ROBO2: variants seen among roughly 807,000 people sequenced by gnomAD.
ROBO2 encodes roundabout guidance receptor 2.
ROBO2 carries 53 observed loss-of-function variants against 160.8 expected under a neutral mutation model. That is an observed-to-expected ratio of 0.33 (90% confidence interval 0.26 to 0.41). The LOEUF is 0.41. Ranked by LOEUF, ROBO2 falls within the 10% of genes least tolerant of loss-of-function variation. The pLI is 1.00. For synonymous variants in ROBO2, 664 were observed against 611.7 expected, an observed-to-expected ratio of 1.09 and a Z score of -1.26; for missense variants, 1,577 against 1,722.4, an observed-to-expected ratio of 0.92 and a Z score of 1.49.
chr3:76,293,602 A>C (rs1708917296), intron 2 of ROBO2, among the ~76,000 whole-genome samples: 2 of 152,214 alleles, frequency 1.3e-5, no homozygotes, highest in Non-Finnish European at 2.9e-5. Flanking sequence ...AGACTGATTG[A>C]TTATGTGGAA....
intron 2 of ROBO2, among the ~76,000 whole-genome samples, chr3:75,963,855 C>A (rs189393294): frequency 6.6e-6 from 1 of 151,882 alleles, no homozygotes; most frequent in African/African-American, 2.4e-5. Context: ...ATACACGTAG[C>A]TGATTTTTAC....
At chr3:76,762,354 C>T (rs1560517167) in intron 2 of ROBO2, among the ~76,000 whole-genome samples, 1 of 150,800 alleles carries the variant, frequency 6.6e-6, no homozygotes, top group Non-Finnish European at 1.5e-5. Context: ...ATAGAATGTA[C>T]CTTTGTATAA....
chr3:77,075,672 CTTTTTTTT>C (rs1174587812), intron 1 of ROBO2, among the ~76,000 whole-genome samples: 1 of 87,254 alleles, frequency 1.1e-5, no homozygotes, highest in Non-Finnish European at 2.0e-5. Flanking sequence ...TTTCTTTCTC[CTTTTTTTT>C]TTTTTTTTTT....
intron 2 of ROBO2, among the ~76,000 whole-genome samples, chr3:77,167,243 T>C (rs1485337434): frequency 6.6e-6 from 1 of 152,180 alleles, no homozygotes; most frequent in African/African-American, 2.4e-5. Context: ...ATTACTACCA[T>C]GGAATGGAAA....
intron 2 of ROBO2, among the ~76,000 whole-genome samples, chr3:76,337,222 C>A (rs2073949933): frequency 6.6e-6 from 1 of 152,020 alleles, no homozygotes; most frequent in Admixed American, 6.6e-5. Context: ...TGGCCCACTG[C>A]AAATTATCAG....
At chr3:76,526,302 G>A (rs769587720) in intron 2 of ROBO2, among the ~76,000 whole-genome samples, 2 of 151,930 alleles carry the variant, frequency 1.3e-5, no homozygotes, top group Non-Finnish European at 2.9e-5. Flanking sequence ...AGTAGGTTTT[G>A]TTTTCTTTTG....
At chr3:77,306,678 T>C (rs1463110896) in intron 2 of ROBO2, among the ~76,000 whole-genome samples, 2 of 152,192 alleles carry the variant, frequency 1.3e-5, no homozygotes, top group African/African-American at 4.8e-5. Context: ...CATAAGTTTC[T>C]AAAACTTATG....
intron 24 of ROBO2, among the ~76,000 whole-genome samples, 153 bp downstream of exon 26, chr3:77,643,096 A>C (rs1199647832): frequency 1.3e-5 from 2 of 152,220 alleles, no homozygotes; most frequent in Non-Finnish European, 2.9e-5. Context: ...TTACCAGTAC[A>C]TGCCTTAAGG....
chr3:77,411,643 A>G (rs1037668827), intron 2 of ROBO2, among the ~76,000 whole-genome samples: 11 of 152,202 alleles, frequency 7.2e-5, no homozygotes, highest in Non-Finnish European at 1.3e-4. Flanking sequence ...TCCATTTTAA[A>G]TAATTTGTGT....
chr3:76,812,909 A>T (rs932315887), intron 2 of ROBO2, among the ~76,000 whole-genome samples: 20 of 104,656 alleles, frequency 1.9e-4, no homozygotes, highest in South Asian at 3.6e-4. Context: ...AGAAGTATAA[A>T]TTTTTTTTTT....
At chr3:77,132,710 T>TG (rs974033104) in intron 2 of ROBO2, among the ~76,000 whole-genome samples, 4 of 151,896 alleles carry the variant, frequency 2.6e-5, no homozygotes, top group Non-Finnish European at 5.9e-5. Flanking sequence ...TTTTTTTTTT[T>TG]AAGTACAAGA....
intron 2 of ROBO2, among the ~76,000 whole-genome samples, chr3:76,307,537 A>T (rs937926239): frequency 2.0e-5 from 3 of 146,576 alleles, no homozygotes; most frequent in Non-Finnish European, 4.5e-5. Context: ...GGACCTTCCC[A>T]TTTATAGACC....
At chr3:76,273,820 T>C (rs926586327) in intron 2 of ROBO2, among the ~76,000 whole-genome samples, 2 of 152,194 alleles carry the variant, frequency 1.3e-5, no homozygotes, top group Non-Finnish European at 2.9e-5. Context: ...AAGGTAGTAT[T>C]TGGGTGGGGA....
rs563013621 is a variant in ROBO2 at position 76,199,545 on chromosome 3, T to C, written c.109+261943T>C. On this transcript the variant is annotated intron_variant, in intron 2 of 26. Coordinates refer to the ROBO2 transcript ENST00000487694. ...CCGTATTGTTCAAGCTGTTGAATTGTTGGTAACTTCGTGAGAGGATGAATG... is the reference window on the plus strand; with the variant it reads ...CCGTATTGTTCAAGCTGTTGAATTGCTGGTAACTTCGTGAGAGGATGAATG... Among the ~76,000 whole-genome samples the C allele has an allele frequency of 8.5e-5, 13 of 152,204 alleles. No homozygotes were observed. In the South Asian group the frequency reaches 2.5e-3, roughly 29 times the overall value.
chr3:76,030,487 T>C (rs1463357520), intron 2 of ROBO2, among the ~76,000 whole-genome samples: 1 of 152,232 alleles, frequency 6.6e-6, no homozygotes, highest in Non-Finnish European at 1.5e-5. Context: ...TTCTATGGTT[T>C]TTATGGTTTT....
At chr3:76,477,442 G>T (rs540439574) in intron 2 of ROBO2, among the ~76,000 whole-genome samples, 17 of 152,028 alleles carry the variant, frequency 1.1e-4, no homozygotes, top group Admixed American at 2.0e-4. Flanking sequence ...CAGTTGCAAT[G>T]CTATAGAAAT....
intron 2 of ROBO2, among the ~76,000 whole-genome samples, chr3:77,158,834 G>T (rs956521462): frequency 3.3e-5 from 5 of 152,062 alleles, no homozygotes; most frequent in African/African-American, 1.2e-4. Flanking sequence ...AAGAGAATGG[G>T]AACTGACAAA....
Position 76,022,741 on chromosome 3 carries a change from A to G in ROBO2, c.109+85139A>G, listed in dbSNP as rs150887118. Among the ~76,000 whole-genome samples the G allele has an allele frequency of 5.4e-3, 822 of 151,874 alleles. 11 individuals carry two copies. The highest frequency in any genetic ancestry group is 0.019 in the African/African-American group (795 of 41,532). On this transcript the variant is annotated intron_variant, in intron 2 of 26. Coordinates refer to the ROBO2 transcript ENST00000487694. ...AGAGTACAGGCACAGTAGATTTAGC[A>G]TAATTTTTACTATTTTCAGAATGGT...
At chr3:77,019,184 G>A (rs1395137874) in intron 2 of ROBO2, among the ~76,000 whole-genome samples, 2 of 152,152 alleles carry the variant, frequency 1.3e-5, no homozygotes, top group African/African-American at 4.8e-5. Context: ...CAACAGAAGT[G>A]TATTTCTCAC....
Sources: gnomAD v4.1 joint callset for allele counts (sites outside exome capture counted in the v4.1 genomes callset) on GRCh38, gnomAD v4.1.1 for gene constraint, MANE v1.5 for transcripts, NCBI Gene and HGNC (gene_info 2026-07-23, HGNC 2026-07-21) for gene names.